PCDHGB5: variants seen among roughly 807,000 people sequenced by gnomAD.
PCDHGB5 encodes protocadherin gamma-B5.
PCDHGB5 carries 48 observed loss-of-function variants against 62.9 expected under a neutral mutation model. The ratio of observed to expected loss-of-function variants is 0.76; its 90% confidence interval spans 0.61 to 0.97. PCDHGB5 has a LOEUF of 0.97. Ranked by LOEUF, PCDHGB5 falls within the 50% of genes least tolerant of loss-of-function variation. The pLI is 0.00. For synonymous variants in PCDHGB5, 474 were observed against 511.2 expected, an observed-to-expected ratio of 0.93 and a Z score of 0.98; for missense variants, 1,118 against 1,198.6, an observed-to-expected ratio of 0.93 and a Z score of 0.99.
rs2093750242 is a variant in PCDHGB5, at chr5:141,399,078, G to C, written c.951G>C (p.Gly317=). 1 of 1,613,746 alleles carries C rather than the reference G, an allele frequency of 6.2e-7. No individual in the cohort carries two copies. The highest frequency in any genetic ancestry group is 1.3e-5 in the African/African-American group (1 of 74,944). ...AGGAATATTCAATGGTTGTAGAAGG[G>C]AGGGATGGTGGTGGACTGGTTGCAC... is the stretch of plus-strand genomic sequence containing the variant. ...ETKEYSMVVE[G]RDGGGLVAQC... is the part of the protein sequence containing the mutation. Residue 317 remains glycine (G), a synonymous_variant, in exon 1 of 4, where the codon GGG becomes GGC. Transcript: ENST00000617380.
chr5:141,434,481 A>G (rs2097697198), intron 1 of PCDHGB5, among the ~76,000 whole-genome samples: 1 of 152,246 alleles, frequency 6.6e-6, no homozygotes, highest in Non-Finnish European at 1.5e-5. Context: ...GGCAAGGAAC[A>G]CCTGGCCCGC....
At position 141,448,695 on chromosome 5, in the gene PCDHGB5, C is replaced by T. The variant is rs535473305; in HGVS notation, c.2398-46112C>T. 2.7e-4 allele frequency among the ~76,000 whole-genome samples: 41 copies of T among 152,246 alleles called. No homozygotes were observed. In the South Asian group the frequency reaches 8.5e-3, roughly 32 times the overall value. On this transcript the variant is annotated intron_variant, in intron 1 of 3. Coordinates refer to ENST00000617380, the MANE Select transcript of PCDHGB5 (RefSeq NM_018925.3). Reference sequence around the variant, plus strand: ...GTGGCTCACGCCTGTAATCGCAGCACTTTGGGAGGCCGAGGCGGGAGGATC... The same window carrying T: ...GTGGCTCACGCCTGTAATCGCAGCATTTTGGGAGGCCGAGGCGGGAGGATC...
chr5:141,447,135 GT>G (rs905717632), intron 1 of PCDHGB5, among the ~76,000 whole-genome samples: 1 of 151,698 alleles, frequency 6.6e-6, no homozygotes, highest in South Asian at 2.1e-4. Flanking sequence ...TTGTTTGTTT[GT>G]TTTTTGTTTT....
intron 1 of PCDHGB5, among the ~76,000 whole-genome samples, chr5:141,488,117 G>A (rs1231303931): frequency 6.6e-6 from 1 of 152,190 alleles, no homozygotes; most frequent in African/African-American, 2.4e-5. Flanking sequence ...GAAACATAGA[G>A]ACAGCAGAAA....
In PCDHGB5 at chr5:141,511,070, G is replaced by A. The variant is rs1341623011; in HGVS notation, c.2669G>A (p.Gly890Asp). ...PDYRQNVYIP[G>D]SNATLTNAAG... ...TACCGCCAGAATGTCTACATCCCAG[G>A]CAGCAATGCCACACTGACCAACGCA... The change falls in exon 4 of 4, where the codon GGC (glycine) becomes GAC (aspartate). Residue 890 changes from glycine to aspartate, a missense_variant. Physicochemically the swap from Gly to Asp is moderately conservative, Grantham distance 94 (BLOSUM62 -1). Transcript: ENST00000617380. 2.5e-6 allele frequency: 4 copies of A among 1,614,218 alleles called. No homozygotes were observed. Among genetic ancestry groups the A allele is most frequent in the Admixed American group, 1.7e-5 (1 of 60,030 alleles).
At chr5:141,509,069 G>T (rs1463164307) in intron 3 of PCDHGB5, among the ~76,000 whole-genome samples, 1 of 152,174 alleles carries the variant, frequency 6.6e-6, no homozygotes, top group Non-Finnish European at 1.5e-5. Flanking sequence ...CTCAGCTCCG[G>T]GGATTTGCGA....
At chr5:141,453,205 G>C (rs570291941) in intron 1 of PCDHGB5, among the ~76,000 whole-genome samples, 2 of 151,872 alleles carry the variant, frequency 1.3e-5, no homozygotes, top group Non-Finnish European at 2.9e-5. Context: ...CCTCAACCTC[G>C]TGCACTTAAG....
At chr5:141,439,412 T>G (rs2098111019) in intron 1 of PCDHGB5, among the ~76,000 whole-genome samples, 1 of 152,194 alleles carries the variant, frequency 6.6e-6, no homozygotes, top group Admixed American at 6.5e-5. Flanking sequence ...CTAACATCAC[T>G]GAGGTTATAA....
chr5:141,462,007 G>C (rs2099028604), intron 1 of PCDHGB5, among the ~76,000 whole-genome samples: 1 of 152,188 alleles, frequency 6.6e-6, no homozygotes, highest in South Asian at 2.1e-4. Context: ...ATTTTTAATA[G>C]AGACGGGGTT....
Position 141,447,603 on chromosome 5 carries a change from T to G in PCDHGB5, c.2397+47079T>G, listed in dbSNP as rs146950525. On this transcript the variant is annotated intron_variant, in intron 1 of 3. Transcript: ENST00000617380. ...ATACCTTAAACATCCTATAGAGTCC[T>G]TAGCATTTTAAAGTTGAAACCAACA... Among the ~76,000 whole-genome samples, 378 of 152,270 alleles carry G rather than the reference T, an allele frequency of 2.5e-3. 1 individual carries two copies. Among genetic ancestry groups the G allele is most frequent in the Non-Finnish European group, 4.5e-3 (309 of 68,030 alleles).
Position 141,477,468 on chromosome 5 carries a change from A to G in PCDHGB5, c.2398-17339A>G. ...GTGCGTGTTCAAGTGTCCGACATCA[A>G]TGACAACCCTCCACAATCTTCTCAA... is the stretch of plus-strand genomic sequence containing the variant. On this transcript the variant is annotated intron_variant, in intron 1 of 3. Transcript: ENST00000617380. This position sits in a 1 kb window ranked among gnomAD's most constrained non-coding sequence, Gnocchi z 4.9. 6.2e-7 allele frequency: 1 copy of G among 1,614,158 alleles called. No homozygotes were observed. Among genetic ancestry groups the G allele is most frequent in the Non-Finnish European group, 8.5e-7 (1 of 1,180,022 alleles).
intron 1 of PCDHGB5, among the ~76,000 whole-genome samples, chr5:141,460,620 C>G (rs185269852): frequency 5.6e-4 from 85 of 151,856 alleles, no homozygotes; most frequent in African/African-American, 1.9e-3. Context: ...GATAGATAGA[C>G]AGATACAGAT....
intron 1 of PCDHGB5, chr5:141,403,174 T>C: frequency 1.9e-6 from 3 of 1,614,000 alleles, no homozygotes; most frequent in Non-Finnish European, 2.5e-6. Context: ...GGACGCAGCT[T>C]TTCTCTCTGA....
chr5:141,489,723 T>C lies in PCDHGB5; in HGVS notation c.2398-5084T>C, dbSNP rs900332220. ...CACTGGACAGTGCCCAGGATCCGGA[T>C]GTGGGCACCAATACTGTGAGCTTTT... On this transcript the variant is annotated intron_variant, in intron 1 of 3. Coordinates refer to ENST00000617380, the MANE Select transcript of PCDHGB5 (RefSeq NM_018925.3). This position sits in a 1 kb window ranked among gnomAD's most constrained non-coding sequence, Gnocchi z 4.5. 4.3e-6 allele frequency: 7 copies of C among 1,613,958 alleles called. No homozygotes were observed. The highest frequency in any genetic ancestry group is 5.9e-6 in the Non-Finnish European group (7 of 1,179,940).
intron 1 of PCDHGB5, chr5:141,427,206 G>C (rs1224325038): frequency 1.1e-5 from 5 of 456,606 alleles, no homozygotes; most frequent in Admixed American, 2.3e-5. Context: ...AATAGACTTC[G>C]AATTTCGTAG....
chr5:141,432,287 G>T lies in PCDHGB5; in HGVS notation c.2397+31763G>T. 1 of 1,614,216 alleles carries T rather than the reference G, an allele frequency of 6.2e-7. No individual in the cohort carries two copies. The highest frequency in any genetic ancestry group is 8.5e-7 in the Non-Finnish European group (1 of 1,180,030). On this transcript the variant is annotated intron_variant, in intron 1 of 3. Coordinates refer to ENST00000617380, the MANE Select transcript of PCDHGB5 (RefSeq NM_018925.3). This position sits in a 1 kb window ranked among gnomAD's most constrained non-coding sequence, Gnocchi z 6.0. ...ATCGTCCTACGTGTCCATCAACTCC[G>T]ACACTGGGGTACTGTATGCGCTGAG...
At chr5:141,404,396 A>C (rs2094523935) in intron 1 of PCDHGB5, 2 of 1,613,816 alleles carry the variant, frequency 1.2e-6, no homozygotes, top group Non-Finnish European at 1.7e-6. Context: ...CCCTGATAGC[A>C]ATGAGAATTC....
At chr5:141,465,983 A>G (rs1219092160) in intron 1 of PCDHGB5, among the ~76,000 whole-genome samples, 1 of 151,944 alleles carries the variant, frequency 6.6e-6, no homozygotes, top group East Asian at 1.9e-4. Context: ...TTAGCCGGGC[A>G]TGGTGGCAGG....
chr5:141,421,312 GC>G, intron 1 of PCDHGB5: 1 of 1,613,748 alleles, frequency 6.2e-7, no homozygotes, highest in Non-Finnish European at 8.5e-7. Flanking sequence ...GGGGTTCCGG[GC>G]CAGGCAGATC....
Sources: allele counts gnomAD v4.1 joint callset (sites outside exome capture counted in the v4.1 genomes callset), GRCh38; gene constraint gnomAD v4.1.1; non-coding constraint Gnocchi (gnomAD v3.1); transcripts MANE v1.5; gene names NCBI Gene and HGNC (gene_info 2026-07-23, HGNC 2026-07-21).